The following NMT1 variants were observed in gnomAD, a reference collection of about 807,000 sequenced individuals.
NMT1 encodes N-myristoyltransferase 1.
Under a neutral mutation model 63.4 loss-of-function variants are expected in NMT1, and 12 were observed. The observed-to-expected ratio is 0.19, with a 90% confidence interval of 0.12 to 0.31. NMT1 has a LOEUF of 0.31. Among genes scored for constraint, NMT1 ranks in the 10% least tolerant of loss-of-function variants. The probability of loss-of-function intolerance (pLI) is 1.00; values close to 1 mark genes in which losing one functional copy is unlikely to be tolerated. For missense variants in NMT1, 432 were observed against 634.6 expected, an observed-to-expected ratio of 0.68 and a Z score of 3.43; for synonymous variants, 228 against 234.3, an observed-to-expected ratio of 0.97 and a Z score of 0.25.
intron 1 of NMT1, among the ~76,000 whole-genome samples, chr17:45,078,595 C>T (rs1013962789): frequency 1.3e-5 from 2 of 152,012 alleles, no homozygotes; most frequent in Non-Finnish European, 2.9e-5. Context: ...TTGTATTTAA[C>T]ATAATGTTAA....
chr17:45,100,862 CAAAAAAAAAAAAAAAAAAA>C (rs71136069), intron 8 of NMT1, among the ~76,000 whole-genome samples: 64 of 32,610 alleles, frequency 2.0e-3, no homozygotes, highest in African/African-American at 5.4e-3. Context: ...GACTCCGTCT[CAAAAAAAAAAAAAAAAAAA>C]AAAAAAAAAA....
chr17:45,098,340 C>T (rs950565183), intron 6 of NMT1, 42 bp from the exon 7 acceptor site: 8 of 1,590,760 alleles, frequency 5.0e-6, no homozygotes, highest in Non-Finnish European at 6.0e-6. Flanking sequence ...CCATTCCCTT[C>T]CCTGTTAAAA....
At chr17:45,090,050 A>C (rs1304136613) in intron 3 of NMT1, among the ~76,000 whole-genome samples, 1 of 152,048 alleles carries the variant, frequency 6.6e-6, no homozygotes, top group Non-Finnish European at 1.5e-5. Context: ...TGGGAGGCCA[A>C]GGCAGGAGGA....
intron 1 of NMT1, among the ~76,000 whole-genome samples, chr17:45,078,246 G>A (rs1289275010): frequency 6.6e-6 from 1 of 152,164 alleles, no homozygotes; most frequent in Non-Finnish European, 1.5e-5. Context: ...CAAGCATGGG[G>A]GGGACACATG....
chr17:45,088,065 A>G (rs917759700), intron 3 of NMT1, among the ~76,000 whole-genome samples: 4 of 152,348 alleles, frequency 2.6e-5, no homozygotes, highest in Admixed American at 1.3e-4. Context: ...CTTGGTCACA[A>G]TAGAAGCAAG....
chr17:45,082,834 G>A (rs533109669), intron 2 of NMT1, among the ~76,000 whole-genome samples: 1 of 151,876 alleles, frequency 6.6e-6, no homozygotes, highest in South Asian at 2.1e-4. Context: ...TGGCCAACAT[G>A]GTAAAACCCT....
chr17:45,097,652 T>C (rs1422832925), intron 6 of NMT1, among the ~76,000 whole-genome samples: 1 of 152,184 alleles, frequency 6.6e-6, no homozygotes, highest in Non-Finnish European at 1.5e-5. Flanking sequence ...CCATTGTGCC[T>C]GGCCAGAGGC....
intron 1 of NMT1, among the ~76,000 whole-genome samples, chr17:45,062,728 T>C (rs905937241): frequency 4.6e-5 from 7 of 152,296 alleles, no homozygotes; most frequent in Admixed American, 3.3e-4. Flanking sequence ...AGGCATTTAG[T>C]AGGCTATACC....
chr17:45,083,093 G>T (rs2054027109), intron 2 of NMT1, among the ~76,000 whole-genome samples: 1 of 151,772 alleles, frequency 6.6e-6, no homozygotes, highest in Admixed American at 6.6e-5. Context: ...AAGGCGGGTG[G>T]ATCACGAGGT....
At chr17:45,075,146 C>T (rs550343770) in intron 1 of NMT1, among the ~76,000 whole-genome samples, 20 of 152,262 alleles carry the variant, frequency 1.3e-4, no homozygotes, top group African/African-American at 4.6e-4. Context: ...CATGATCGTG[C>T]CACTGCACTC....
At chr17:45,072,632 T>G (rs1192572671) in intron 1 of NMT1, among the ~76,000 whole-genome samples, 2 of 148,948 alleles carry the variant, frequency 1.3e-5, no homozygotes, top group African/African-American at 5.0e-5. Flanking sequence ...CGATCTCAGC[T>G]CACTGCAAGC....
chr17:45,065,546 C>T (rs1267228459), intron 1 of NMT1, among the ~76,000 whole-genome samples: 2 of 150,238 alleles, frequency 1.3e-5, no homozygotes, highest in Non-Finnish European at 3.0e-5. Flanking sequence ...ATGGTGTGAC[C>T]CTGTGAGGCG....
chr17:45,104,791 A>G lies in NMT1; in HGVS notation c.1333-68A>G. ...CACAGGACAGCTTTGAAATGGCAGC[A>G]AAGGGGTAGGAAGGAGGCTGTCCCC... On this transcript the variant is annotated intron_variant, in intron 10 of 11. Transcript: ENST00000258960. This position sits in a 1 kb window ranked among gnomAD's most constrained non-coding sequence, Gnocchi z 4.2. 6.3e-7 allele frequency: 1 copy of G among 1,593,930 alleles called. No individual in the cohort carries two copies. Among genetic ancestry groups the G allele is most frequent in the Admixed American group, 1.7e-5 (1 of 58,644 alleles).
At chr17:45,082,974 G>A (rs140369464) in intron 2 of NMT1, among the ~76,000 whole-genome samples, 1,674 of 152,010 alleles carry the variant, frequency 0.011, 29 homozygotes, top group African/African-American at 0.038. Context: ...CTGAGATCAC[G>A]CCACTGCACT....
At chr17:45,067,025 T>A (rs2053907504) in intron 1 of NMT1, among the ~76,000 whole-genome samples, 1 of 152,230 alleles carries the variant, frequency 6.6e-6, no homozygotes, top group Non-Finnish European at 1.5e-5. Flanking sequence ...CAGCTGGTTT[T>A]GTTTGTTTTT....
chr17:45,097,042 G>A, intron 5 of NMT1, 86 bp from the exon 6 acceptor site: 1 of 1,006,396 alleles, frequency 9.9e-7, no homozygotes. Context: ...GTAGCACCAG[G>A]TCCGAACCAA....
intron 3 of NMT1, among the ~76,000 whole-genome samples, chr17:45,091,190 A>ACACACG (rs1491033746): frequency 7.2e-5 from 4 of 55,934 alleles, no homozygotes; most frequent in African/African-American, 1.2e-4. Context: ...CTTTCCTGAC[A>ACACACG]CACACACACA....
intron 3 of NMT1, among the ~76,000 whole-genome samples, chr17:45,091,186 T>TCACACACACACACACA (rs1567868410): frequency 1.4e-5 from 1 of 71,812 alleles, no homozygotes; most frequent in African/African-American, 4.6e-5. Flanking sequence ...AGGTCTTTCC[T>TCACACACACACACACA]GACACACACA....
Position 45,086,500 on chromosome 17 carries a change from T to C in NMT1, c.241-8T>C. On this transcript the variant is annotated splice_polypyrimidine_tract_variant and splice_region_variant and intron_variant, in intron 2 of 11. Transcript: ENST00000258960. ...GGCCTTTTTTCTCCCCAACTTTGTC[T>C]TGTCCAGATGAACTCTTTGCCAGCA... 1 of 1,599,566 alleles carries C rather than the reference T, an allele frequency of 6.3e-7. No individual in the cohort carries two copies. Among genetic ancestry groups the C allele is most frequent in the Non-Finnish European group, 8.5e-7 (1 of 1,175,434 alleles).
Sources: gnomAD v4.1 joint callset for allele counts (sites outside exome capture counted in the v4.1 genomes callset) on GRCh38, gnomAD v4.1.1 for gene constraint, Gnocchi (gnomAD v3.1) non-coding constraint, MANE v1.5 for transcripts, NCBI Gene and HGNC (gene_info 2026-07-23, HGNC 2026-07-21) for gene names.